The following GLCCI1 variants were observed in gnomAD, a reference collection of about 807,000 sequenced individuals.
The protein encoded by GLCCI1 is glucocorticoid induced 1, also known as glucocorticoid-induced transcript 1 protein.
A neutral mutation model predicts 52.2 loss-of-function variants in GLCCI1; 24 were observed. The observed-to-expected ratio is 0.46, with a 90% confidence interval of 0.33 to 0.65. GLCCI1 has a LOEUF of 0.65. GLCCI1 is among the 30% of genes least tolerant of loss of function. The pLI, the probability that GLCCI1 is intolerant of heterozygous loss-of-function variation, is 0.02. For missense variants in GLCCI1, 704 were observed against 701.5 expected (o/e 1.00, Z -0.04); for synonymous variants, 310 against 276.5 (o/e 1.12, Z -1.20).
intron 6 of GLCCI1, among the ~76,000 whole-genome samples, chr7:8,080,224 A>G (rs1234336830): frequency 1.3e-5 from 2 of 151,556 alleles, no homozygotes; most frequent in African/African-American, 4.9e-5. Context: ...CAAAATAAGT[A>G]TATTTTAACA....
At chr7:8,002,335 CTG>C (rs936357235) in intron 1 of GLCCI1, among the ~76,000 whole-genome samples, 1 of 152,064 alleles carries the variant, frequency 6.6e-6, no homozygotes, top group African/African-American at 2.4e-5. Flanking sequence ...AATATCTTCT[CTG>C]TAATTCATGA....
chr7:8,025,434 TA>T (rs779713826), intron 3 of GLCCI1, among the ~76,000 whole-genome samples: 1 of 152,066 alleles, frequency 6.6e-6, no homozygotes, highest in African/African-American at 2.4e-5. Flanking sequence ...GGGCAATAAC[TA>T]AATATAAAAA....
chr7:7,977,337 G>C (rs187527167), intron 1 of GLCCI1, among the ~76,000 whole-genome samples: 1 of 152,286 alleles, frequency 6.6e-6, no homozygotes, highest in African/African-American at 2.4e-5. Flanking sequence ...TGCTATAACT[G>C]ATTCTATAAA....
intron 1 of GLCCI1, among the ~76,000 whole-genome samples, chr7:8,000,053 A>G (rs1781021644): frequency 2.6e-5 from 4 of 152,254 alleles, no homozygotes; most frequent in Admixed American, 1.3e-4. Flanking sequence ...TAGAGGCTCA[A>G]GTTATTCACT....
rs112470721 is a variant in GLCCI1, at chr7:8,007,365, G to C, written c.609+3306G>C. The stretch of plus-strand genomic sequence containing the variant: ...TACGTAGTACATCGTTATGTAATAT[G>C]TACGTAGTACGTATTAAGCGTGAGG... On this transcript the variant is annotated intron_variant, in intron 2 of 7. Transcript: ENST00000223145. Among the ~76,000 whole-genome samples the C allele has an allele frequency of 2.6e-4, 39 of 152,228 alleles. 1 individual carries two copies. Among genetic ancestry groups the C allele is most frequent in the African/African-American group, 5.8e-4 (24 of 41,536 alleles).
In GLCCI1 at chr7:8,060,302, C is replaced by T. The variant is rs1782485059; in HGVS notation, c.966+54C>T. 2.9e-6 allele frequency: 4 copies of T among 1,367,672 alleles called. No individual in the cohort carries two copies. The East Asian group carries it at 6.9e-5, about 24-fold the overall frequency. 84.7% of individuals were successfully genotyped at this position (1,367,672 alleles called of 1,614,324 possible). On this transcript the variant is annotated intron_variant, in intron 5 of 7. Coordinates refer to ENST00000223145, the MANE Select transcript of GLCCI1 (RefSeq NM_138426.4). ...TTTTTTCTCTGATATAACGAACTGT[C>T]TGAAAAGTACTTTCTTGGTAACAGC...
chr7:8,032,046 T>A (rs1781762992), intron 3 of GLCCI1, among the ~76,000 whole-genome samples: 1 of 152,084 alleles, frequency 6.6e-6, no homozygotes, highest in Non-Finnish European at 1.5e-5. Context: ...AGCAAGGTGA[T>A]AGAAGACTTT....
At chr7:8,081,191 C>A (rs1486705182) in intron 6 of GLCCI1, among the ~76,000 whole-genome samples, 1 of 152,026 alleles carries the variant, frequency 6.6e-6, no homozygotes, top group Non-Finnish European at 1.5e-5. Flanking sequence ...GAGCTTTACC[C>A]CCCACCTCCC....
chr7:8,045,446 A>G (rs953114322), intron 3 of GLCCI1, among the ~76,000 whole-genome samples: 1 of 152,226 alleles, frequency 6.6e-6, no homozygotes, highest in Non-Finnish European at 1.5e-5. Flanking sequence ...AATGAACAAT[A>G]TGATGAAAGG....
intron 5 of GLCCI1, among the ~76,000 whole-genome samples, chr7:8,067,767 C>T (rs754110779): frequency 2.0e-5 from 3 of 152,168 alleles, no homozygotes; most frequent in African/African-American, 4.8e-5. Flanking sequence ...CTATTCTCTC[C>T]AGCTGCCTTT....
intron 2 of GLCCI1, among the ~76,000 whole-genome samples, chr7:8,015,273 AT>A (rs1291666458): frequency 5.9e-5 from 9 of 152,266 alleles, no homozygotes; most frequent in Non-Finnish European, 1.3e-4. Flanking sequence ...GATATAAAAA[AT>A]AACTTTCAGT....
intron 1 of GLCCI1, among the ~76,000 whole-genome samples, chr7:7,979,583 T>C (rs558235403): frequency 1.3e-5 from 2 of 152,330 alleles, no homozygotes; most frequent in South Asian, 2.1e-4. Flanking sequence ...TCTTGCTGCC[T>C]TTACCTATTA....
chr7:8,046,137 G>A (rs142637157), intron 3 of GLCCI1, among the ~76,000 whole-genome samples: 241 of 149,806 alleles, frequency 1.6e-3, no homozygotes, highest in African/African-American at 5.5e-3. Context: ...TTGGCATAAC[G>A]GAAGAGAGAA....
intron 1 of GLCCI1, among the ~76,000 whole-genome samples, chr7:7,970,192 T>C (rs911501756): frequency 2.0e-5 from 3 of 152,202 alleles, no homozygotes; most frequent in Non-Finnish European, 2.9e-5. Context: ...ACCGTCTCTT[T>C]GTGCTTTTCT....
At chr7:8,045,347 G>A (rs1446435976) in intron 3 of GLCCI1, among the ~76,000 whole-genome samples, 1 of 152,092 alleles carries the variant, frequency 6.6e-6, no homozygotes, top group Non-Finnish European at 1.5e-5. Flanking sequence ...GATGTGGGAG[G>A]AAACCAGAGT....
At chr7:7,997,979 T>C (rs1342598443) in intron 1 of GLCCI1, among the ~76,000 whole-genome samples, 1 of 150,254 alleles carries the variant, frequency 6.7e-6, no homozygotes, top group Non-Finnish European at 1.5e-5. Context: ...ATAAATAAAG[T>C]AGCTGTAGAA....
chr7:8,064,662 C>T (rs1011487507), intron 5 of GLCCI1, among the ~76,000 whole-genome samples: 2 of 152,110 alleles, frequency 1.3e-5, no homozygotes, highest in Non-Finnish European at 2.9e-5. Context: ...TTGATGGGAA[C>T]AGCATTGAAT....
At chr7:7,973,072 C>G (rs1184254550) in intron 1 of GLCCI1, among the ~76,000 whole-genome samples, 1 of 152,074 alleles carries the variant, frequency 6.6e-6, no homozygotes, top group Non-Finnish European at 1.5e-5. Flanking sequence ...AAGGGTATTG[C>G]AGTGGTGAAT....
In GLCCI1 at chr7:8,060,107, A is replaced by C. The variant is rs779242142; in HGVS notation, c.825A>C (p.Ser275=). ...ITISHTQATG[S]RSVPMPLSNI... ...ATCTTATCTCATAGGCTACTGGATCAAGGTCAGTTCCTATGCCACTGTCAA... is the reference window on the plus strand; with the variant it reads ...ATCTTATCTCATAGGCTACTGGATCCAGGTCAGTTCCTATGCCACTGTCAA... Residue 275 remains serine, a synonymous_variant, in exon 5 of 8, where the codon TCA becomes TCC. Coordinates refer to ENST00000223145, the MANE Select transcript of GLCCI1 (RefSeq NM_138426.4). The C allele has an allele frequency of 7.4e-6, 12 of 1,612,300 alleles. No individual in the cohort carries two copies. The highest frequency in any genetic ancestry group is 1.0e-5 in the Non-Finnish European group (12 of 1,179,392).
Sources: allele counts gnomAD v4.1 joint callset (sites outside exome capture counted in the v4.1 genomes callset), GRCh38; gene constraint gnomAD v4.1.1; transcripts MANE v1.5; gene names NCBI Gene and HGNC (gene_info 2026-07-23, HGNC 2026-07-21).